Variants in KEAP1 observed in about 807,000 individuals in gnomAD.
KEAP1 encodes the protein kelch-like ECH-associated protein 1.
KEAP1 carries 26 observed loss-of-function variants against 59.7 expected under a neutral mutation model. The observed-to-expected ratio is 0.44, with a 90% CI of 0.32 to 0.60. KEAP1 has a LOEUF of 0.60. Among genes scored for constraint, KEAP1 ranks in the 20% least tolerant of loss-of-function variants. The probability of loss-of-function intolerance (pLI) is 0.06; values close to 1 mark genes in which losing one functional copy is unlikely to be tolerated. For synonymous variants in KEAP1, 350 were observed against 358.3 expected (o/e 0.98, Z 0.26); for missense variants, 539 against 871.4 (o/e 0.62, Z 4.80).
chr19:10,489,301 G>C lies in KEAP1; in HGVS notation c.1599C>G (p.Ser533Arg), dbSNP rs760096146. The stretch of plus-strand genomic sequence containing the variant: ...CTGTTTCCACATCGTAGCGCTCCAC[G>C]CTGTTCAGCTGGTCCTGACCATCAT... ...GGYDGQDQLN[S>R]VERYDVETET... Residue 533 changes from serine to arginine, a missense_variant, in exon 5 of 6, where the codon AGC becomes AGG. Physicochemically the swap from Ser to Arg is moderately radical, Grantham distance 110 (BLOSUM62 -1). Coordinates refer to ENST00000171111, the MANE Select transcript of KEAP1 (RefSeq NM_203500.2). 6 of 1,613,960 alleles carry C rather than the reference G, an allele frequency of 3.7e-6. No individual in the cohort carries two copies. The highest frequency in any genetic ancestry group is 5.1e-6 in the Non-Finnish European group (6 of 1,179,990).
chr19:10,495,506 T>A (rs1212997433), intron 2 of KEAP1, among the ~76,000 whole-genome samples: 4 of 152,038 alleles, frequency 2.6e-5, no homozygotes, highest in Non-Finnish European at 5.9e-5. Flanking sequence ...GAGACCAGCC[T>A]GGCCAACACG....
In KEAP1 at chr19:10,499,182, A is replaced by T. The variant is rs138208481; in HGVS notation, c.639+213T>A. 4.8e-3 allele frequency among the ~76,000 whole-genome samples: 725 copies of T among 152,100 alleles called. 10 individuals are homozygous for T. Among genetic ancestry groups the T allele is most frequent in the East Asian group, 0.022 (113 of 5,160 alleles). ...TTTGTTTGTTTAGAGACAGGGTGTC[A>T]TTATGTTGCCTGGGCTGGTCTTGAA... is the stretch of plus-strand genomic sequence containing the variant. On this transcript the variant is annotated intron_variant, in intron 2 of 5. Coordinates refer to ENST00000171111, the MANE Select transcript of KEAP1 (RefSeq NM_203500.2). The surrounding 1 kb of genome is among the most constrained non-coding windows in gnomAD (Gnocchi z 6.7).
chr19:10,494,639 TGAG>T (rs1914789696), intron 2 of KEAP1, among the ~76,000 whole-genome samples: 6 of 136,318 alleles, frequency 4.4e-5, no homozygotes, highest in Admixed American at 1.5e-4. Flanking sequence ...GCCTGGCCTC[TGAG>T]TTTTCTGTTT....
intron 2 of KEAP1, among the ~76,000 whole-genome samples, chr19:10,493,409 G>C (rs1040924004): frequency 6.6e-6 from 1 of 151,832 alleles, no homozygotes; most frequent in Non-Finnish European, 1.5e-5. Flanking sequence ...TGATCCACCC[G>C]CCTTAGCCTC....
At chr19:10,500,412 G>A (rs1915001203) in intron 1 of KEAP1, among the ~76,000 whole-genome samples, 1 of 152,118 alleles carries the variant, frequency 6.6e-6, no homozygotes, top group Admixed American at 6.6e-5. Context: ...CTCTGCTTCA[G>A]CAATCTGGCG....
rs1914966225 is a variant in KEAP1, at chr19:10,499,584, C to T, written c.450G>A (p.Lys150=). 1.9e-6 allele frequency: 3 copies of T among 1,614,036 alleles called. No homozygotes were observed. The highest frequency in any genetic ancestry group is 1.7e-5 in the Admixed American group (1 of 60,002). ...AYTASISMGE[K]CVLHVMNGAV... Reference sequence around the variant, plus strand: ...CACCGTTCATGACGTGGAGGACACACTTCTCGCCCATGGAGATGGAGGCCG... The same window carrying T: ...CACCGTTCATGACGTGGAGGACACATTTCTCGCCCATGGAGATGGAGGCCG... The change falls in exon 2 of 6, where the codon AAG becomes AAA. Residue 150 remains lysine (K), a synonymous_variant. Coordinates refer to ENST00000171111, the MANE Select transcript of KEAP1 (RefSeq NM_203500.2). This position sits in a 1 kb window ranked among gnomAD's most constrained non-coding sequence, Gnocchi z 6.7.
chr19:10,487,180 C>CA (rs1032556900), intron 5 of KEAP1, among the ~76,000 whole-genome samples: 19 of 151,346 alleles, frequency 1.3e-4, no homozygotes, highest in East Asian at 3.9e-4. Context: ...CCCATCTCTA[C>CA]AAAAAAACAT....
At position 10,486,638 on chromosome 19, in the gene KEAP1, G is replaced by A. The variant is rs1384986447; in HGVS notation, c.*14C>T. 1.9e-6 allele frequency: 3 copies of A among 1,610,266 alleles called. No homozygotes were observed. In the South Asian group the frequency reaches 3.3e-5, roughly 18 times the overall value. ...CCCATTGGACTGTATTTTTGCCCAA[G>A]AAACAAAAGTGCCTCAACAGGTACA... On this transcript the variant is annotated 3_prime_UTR_variant, in exon 6 of 6. Coordinates refer to ENST00000171111, the MANE Select transcript of KEAP1 (RefSeq NM_203500.2).
At position 10,486,601 on chromosome 19, in the gene KEAP1, A is replaced by G. The variant is rs1214707338; in HGVS notation, c.*51T>C. On this transcript the variant is annotated 3_prime_UTR_variant, in exon 6 of 6. Transcript: ENST00000171111. Reference sequence around the variant, plus strand: ...TTTTAGTCCCGGTTTTTGTACAAAAACAATGATACTCCCCATTGGACTGTA... The same window carrying G: ...TTTTAGTCCCGGTTTTTGTACAAAAGCAATGATACTCCCCATTGGACTGTA... The G allele has an allele frequency of 1.3e-6, 2 of 1,545,898 alleles. No homozygotes were observed. Among genetic ancestry groups the G allele is most frequent in the African/African-American group, 2.8e-5 (2 of 72,696 alleles).
At chr19:10,487,509 A>G (rs1914505867) in intron 5 of KEAP1, among the ~76,000 whole-genome samples, 1 of 151,604 alleles carries the variant, frequency 6.6e-6, no homozygotes, top group Non-Finnish European at 1.5e-5. Context: ...ATACAAAATT[A>G]GATGCGATTG....
intron 5 of KEAP1, among the ~76,000 whole-genome samples, chr19:10,488,834 G>A (rs1914563494): frequency 6.7e-6 from 1 of 148,444 alleles, no homozygotes; most frequent in African/African-American, 2.5e-5. Context: ...AGGAGGCTGA[G>A]ACAGGAGAAT....
intron 2 of KEAP1, 145 bp from the exon 3 acceptor site, chr19:10,492,407 G>A: frequency 1.5e-6 from 1 of 660,628 alleles, no homozygotes; most frequent in East Asian, 2.7e-5. Flanking sequence ...TAGGAACCGC[G>A]TACATTGTGA....
chr19:10,486,766 A>G lies in KEAP1; in HGVS notation c.1761T>C (p.Asp587=), dbSNP rs2144578425. The change falls in exon 6 of 6, where the codon GAT becomes GAC. Residue 587 remains aspartate, a synonymous_variant. Transcript: ENST00000171111. ...GGGTCACCTCGCTCCAGGTGTCTGTATCTGGGTCGTAACACTCCACACTGT... is the reference window on the plus strand; with the variant it reads ...GGGTCACCTCGCTCCAGGTGTCTGTGTCTGGGTCGTAACACTCCACACTGT... ...FLDSVECYDP[D]TDTWSEVTRM... 2 of 1,614,006 alleles carry G rather than the reference A, an allele frequency of 1.2e-6. No homozygotes were observed. Among genetic ancestry groups the G allele is most frequent in the Non-Finnish European group, 1.7e-6 (2 of 1,179,996 alleles).
Position 10,493,923 on chromosome 19 carries a change from A to G in KEAP1, c.640-1661T>C, listed in dbSNP as rs150215085. ...CAGCCTCCCTAAGTGCTAGGATTAC[A>G]GGCGTGAGCCACCGGACCTGGCCTG... On this transcript the variant is annotated intron_variant, in intron 2 of 5. Coordinates refer to ENST00000171111, the MANE Select transcript of KEAP1 (RefSeq NM_203500.2). 6.2e-3 allele frequency among the ~76,000 whole-genome samples: 947 copies of G among 152,162 alleles called. 3 individuals are homozygous for G. The highest frequency in any genetic ancestry group is 7.6e-3 in the Non-Finnish European group (518 of 68,018).
At position 10,499,698 on chromosome 19, in the gene KEAP1, G is replaced by T. The variant is rs2144627672; in HGVS notation, c.336C>A (p.Thr112=). The T allele has an allele frequency of 6.2e-7, 1 of 1,614,188 alleles. No individual in the cohort carries two copies. Among genetic ancestry groups the T allele is most frequent in the Non-Finnish European group, 8.5e-7 (1 of 1,180,042 alleles). ...SSSPVFKAMF[T]NGLREQGMEV... ...CCATGCCCTGCTCCCGCAGCCCGTT[G>T]GTGAACATGGCCTTGAAGACAGGGC... The change falls in exon 2 of 6, where the codon ACC becomes ACA. Residue 112 remains threonine, a synonymous_variant. Coordinates refer to ENST00000171111, the MANE Select transcript of KEAP1 (RefSeq NM_203500.2). This position sits in a 1 kb window ranked among gnomAD's most constrained non-coding sequence, Gnocchi z 6.7.
At chr19:10,490,152 T>C (rs1490820506) in intron 3 of KEAP1, among the ~76,000 whole-genome samples, 2 of 151,126 alleles carry the variant, frequency 1.3e-5, no homozygotes, top group East Asian at 2.0e-4. Flanking sequence ...CTCGGGAGGC[T>C]GAGGCGAGAT....
In KEAP1 at chr19:10,491,842, G is replaced by A. The variant is rs2144599793; in HGVS notation, c.1060C>T (p.Arg354Trp). 5.6e-6 allele frequency: 9 copies of A among 1,609,222 alleles called. No individual in the cohort carries two copies. The highest frequency in any genetic ancestry group is 7.6e-6 in the Non-Finnish European group (9 of 1,178,110). Reference sequence around the variant, plus strand: ...CGCGGCACCTGCAGGTCCGCCAACCGGAGCCAGGTGCCGTCACTGGGGTTG... The same window carrying A: ...CGCGGCACCTGCAGGTCCGCCAACCAGAGCCAGGTGCCGTCACTGGGGTTG... Reference protein sequence around the residue: ...AYNPSDGTWLRLADLQVPRSG... With the variant: ...AYNPSDGTWLWLADLQVPRSG... The change falls in exon 3 of 6, where the codon CGG (arginine) becomes TGG (tryptophan). Residue 354 changes from arginine to tryptophan, a missense_variant. Physicochemically the swap from Arg to Trp is moderately radical, Grantham distance 101 (BLOSUM62 -3). This residue lies in a region of KEAP1 where 311 missense variants were observed against 425.2 expected (regional missense o/e 0.73). Transcript: ENST00000171111. This position sits in a 1 kb window ranked among gnomAD's most constrained non-coding sequence, Gnocchi z 5.2.
rs1915087593 is a variant in KEAP1, at chr19:10,502,739, C to A, written c.-48+502G>T. On this transcript the variant is annotated intron_variant, in intron 1 of 5. Transcript: ENST00000171111. This position sits in a 1 kb window ranked among gnomAD's most constrained non-coding sequence, Gnocchi z 4.0. ...CCGGCTCCGCCTCCACCGCCCGAGC[C>A]CCGGCGCCTCCATCGCTGCGCGTGG... is the stretch of plus-strand genomic sequence containing the variant. The A allele has an allele frequency of 6.6e-6, 1 of 152,078 alleles. No individual in the cohort carries two copies. Among genetic ancestry groups the A allele is most frequent in the Non-Finnish European group, 1.5e-5 (1 of 68,016 alleles). The allele number at this position is 152,078 out of a possible 1,614,324, so 9.4% of individuals were successfully genotyped here.
rs924048628 is a variant in KEAP1 at position 10,502,339 on chromosome 19, C to A, written c.-48+902G>T. On this transcript the variant is annotated intron_variant, in intron 1 of 5. Coordinates refer to ENST00000171111, the MANE Select transcript of KEAP1 (RefSeq NM_203500.2). This position sits in a 1 kb window ranked among gnomAD's most constrained non-coding sequence, Gnocchi z 4.0. ...AGCGGCAAGTGGGCGACTGCGCATG[C>A]CCCTCCTGAGCCTCCACCAGGCCCA... 6.6e-6 allele frequency: 1 copy of A among 152,398 alleles called. No homozygotes were observed. Among genetic ancestry groups the A allele is most frequent in the Non-Finnish European group, 1.5e-5 (1 of 68,204 alleles). The allele number at this position is 152,398 out of a possible 1,614,324, so 9.4% of individuals were successfully genotyped here.
Sources: allele counts gnomAD v4.1 joint callset (sites outside exome capture counted in the v4.1 genomes callset), GRCh38; gene constraint gnomAD v4.1.1; regional missense constraint gnomAD v4.1.1; non-coding constraint Gnocchi (gnomAD v3.1); transcripts MANE v1.5; gene names NCBI Gene and HGNC (gene_info 2026-07-23, HGNC 2026-07-21).